TTC28: variants seen among roughly 807,000 people sequenced by gnomAD.
TTC28 encodes tetratricopeptide repeat domain 28, also known as tetratricopeptide repeat protein 28.
A neutral mutation model predicts 198.0 loss-of-function variants in TTC28; 61 were observed. That is an observed-to-expected ratio of 0.31 (90% confidence interval 0.25 to 0.38). TTC28 has a LOEUF of 0.38. TTC28 is among the 10% of genes least tolerant of loss of function. TTC28 has a pLI of 1.00. For missense variants in TTC28, 2,678 were observed against 3,164.0 expected, an observed-to-expected ratio of 0.85 and a Z score of 3.69; for synonymous variants, 1,171 against 1,297.8, an observed-to-expected ratio of 0.90 and a Z score of 2.10.
At chr22:28,323,723 T>C (rs372394892) in intron 2 of TTC28, among the ~76,000 whole-genome samples, 59 of 152,172 alleles carry the variant, frequency 3.9e-4, no homozygotes, top group African/African-American at 1.4e-3. Flanking sequence ...AATAACAGAA[T>C]TTTGCCAACC....
intron 12 of TTC28, among the ~76,000 whole-genome samples, chr22:28,093,224 G>A (rs1941865222): frequency 6.6e-6 from 1 of 152,164 alleles, no homozygotes; most frequent in Non-Finnish European, 1.5e-5. Context: ...CCAGCTGCTG[G>A]CAGCAACCAC....
At chr22:28,351,676 G>C (rs994036822) in intron 2 of TTC28, among the ~76,000 whole-genome samples, 1 of 152,210 alleles carries the variant, frequency 6.6e-6, no homozygotes, top group East Asian at 1.9e-4. Flanking sequence ...GTCTCTGCCT[G>C]AGATAGAAGA....
At chr22:28,337,556 A>C (rs1386434191) in intron 2 of TTC28, among the ~76,000 whole-genome samples, 2 of 152,134 alleles carry the variant, frequency 1.3e-5, no homozygotes, top group African/African-American at 4.8e-5. Flanking sequence ...TAGGATAGTT[A>C]GCTCTTCTTG....
intron 2 of TTC28, among the ~76,000 whole-genome samples, chr22:28,566,619 CATCA>C (rs1402270866): frequency 6.6e-6 from 1 of 152,046 alleles, no homozygotes; most frequent in African/African-American, 2.4e-5. Flanking sequence ...TCCCTTTAAA[CATCA>C]ATCAAGATTT....
intron 2 of TTC28, among the ~76,000 whole-genome samples, chr22:28,517,575 C>T (rs1380205702): frequency 1.3e-5 from 2 of 152,110 alleles, no homozygotes; most frequent in African/African-American, 4.8e-5. Context: ...TTATGGCCAG[C>T]GAACTTCCAA....
At chr22:28,306,713 G>C (rs1316295158) in intron 2 of TTC28, 70 bp from the exon 3 acceptor site, 2 of 1,482,296 alleles carry the variant, frequency 1.3e-6, no homozygotes, top group African/African-American at 1.4e-5. Context: ...TTCTTTACTA[G>C]AACAACAGGT....
At chr22:28,484,577 C>T (rs2048294625) in intron 2 of TTC28, among the ~76,000 whole-genome samples, 1 of 152,174 alleles carries the variant, frequency 6.6e-6, no homozygotes, top group Non-Finnish European at 1.5e-5. Flanking sequence ...CCTATGTACT[C>T]ATCATACCGT....
chr22:28,568,215 G>A (rs1772179436), intron 2 of TTC28, among the ~76,000 whole-genome samples: 1 of 152,140 alleles, frequency 6.6e-6, no homozygotes, highest in Non-Finnish European at 1.5e-5. Context: ...CAGAAAAGGG[G>A]AAAAGAGTTA....
At chr22:28,141,765 A>C (rs2146990185) in intron 6 of TTC28, among the ~76,000 whole-genome samples, 1 of 152,278 alleles carries the variant, frequency 6.6e-6, no homozygotes, top group East Asian at 1.9e-4. Flanking sequence ...ATTTGGTTAG[A>C]TTATTTTTGC....
At chr22:28,615,562 A>G (rs528180795) in intron 2 of TTC28, among the ~76,000 whole-genome samples, 3 of 152,322 alleles carry the variant, frequency 2.0e-5, no homozygotes, top group South Asian at 2.1e-4. Flanking sequence ...ATGCCCATCA[A>G]TGATAGACTG....
chr22:28,433,372 C>A (rs886845839), intron 2 of TTC28, among the ~76,000 whole-genome samples: 13 of 152,078 alleles, frequency 8.5e-5, no homozygotes, highest in Non-Finnish European at 1.0e-4. Flanking sequence ...TACGGCCCTC[C>A]CCCTTAAAGT....
At chr22:28,175,307 TAAGAGAGTA>T (rs1923057626) in intron 5 of TTC28, among the ~76,000 whole-genome samples, 1 of 152,192 alleles carries the variant, frequency 6.6e-6, no homozygotes, top group Non-Finnish European at 1.5e-5. Context: ...AGGAAACTCT[TAAGAGAGTA>T]AAGAGACAAC....
intron 2 of TTC28, among the ~76,000 whole-genome samples, chr22:28,512,885 C>T (rs2048710456): frequency 6.6e-6 from 1 of 151,972 alleles, no homozygotes; most frequent in Non-Finnish European, 1.5e-5. Context: ...CTATATAACA[C>T]CTGCACATCC....
rs754700795 is a variant in TTC28 at position 28,243,174 on chromosome 22, C to CAAAAAAAAAAAAAAAA, written c.933+53008_933+53023dup. Among the ~76,000 whole-genome samples, 60 of 68,316 alleles carry CAAAAAAAAAAAAAAAA rather than the reference C, an allele frequency of 8.8e-4. 5 individuals carry two copies. Among genetic ancestry groups the CAAAAAAAAAAAAAAAA allele is most frequent in the African/African-American group, 9.7e-4 (15 of 15,414 alleles). The allele number at this position is 68,316 out of a possible 152,430, so 44.8% of individuals were successfully genotyped here. A position where few individuals can be genotyped will look rare whatever the true frequency, so the allele number is the denominator to read the frequency against. Reference sequence around the variant, plus strand: ...GCAACCTGGCAAAACCCCCTCTCTACAAAAAAAAAAAAAAAAAAAAAAAAA... The same window carrying CAAAAAAAAAAAAAAAA: ...GCAACCTGGCAAAACCCCCTCTCTACAAAAAAAAAAAAAAAAAAAAAAAAAAAAAAAAAAAAAAAAA... On this transcript the variant is annotated intron_variant, in intron 5 of 22. Coordinates refer to ENST00000397906, the MANE Select transcript of TTC28 (RefSeq NM_001145418.2).
intron 5 of TTC28, among the ~76,000 whole-genome samples, chr22:28,223,805 G>A (rs1483443014): frequency 6.6e-6 from 1 of 152,066 alleles, no homozygotes; most frequent in Non-Finnish European, 1.5e-5. Flanking sequence ...AAGTTCACAA[G>A]AAAGTTATAA....
chr22:28,119,098 T>C (rs180876550), intron 6 of TTC28, among the ~76,000 whole-genome samples: 36 of 152,326 alleles, frequency 2.4e-4, no homozygotes, highest in Admixed American at 1.2e-3. Flanking sequence ...TTGCCAGTTA[T>C]GTGGCACAGT....
chr22:28,604,321 A>ATATATATATATATATATATC (rs2050694458), intron 2 of TTC28, among the ~76,000 whole-genome samples: 1 of 140,882 alleles, frequency 7.1e-6, no homozygotes, highest in Non-Finnish European at 1.6e-5. Flanking sequence ...ATATATATAT[A>ATATATATATATATATATATC]TGTCTTTACC....
At chr22:28,520,371 GGA>G (rs1341330726) in intron 2 of TTC28, among the ~76,000 whole-genome samples, 2 of 152,112 alleles carry the variant, frequency 1.3e-5, no homozygotes, top group African/African-American at 4.8e-5. Flanking sequence ...GTGAATAACT[GGA>G]GATCAACTGC....
intron 2 of TTC28, among the ~76,000 whole-genome samples, chr22:28,331,843 T>C (rs1018295867): frequency 6.6e-6 from 1 of 152,118 alleles, no homozygotes; most frequent in Non-Finnish European, 1.5e-5. Context: ...CATAATACTC[T>C]TGGATCTCTG....
Sources: allele counts gnomAD v4.1 joint callset (sites outside exome capture counted in the v4.1 genomes callset), GRCh38; gene constraint gnomAD v4.1.1; transcripts MANE v1.5; gene names NCBI Gene and HGNC (gene_info 2026-07-23, HGNC 2026-07-21).